CENPE: variants seen among roughly 807,000 people sequenced by gnomAD.
CENPE encodes the protein centromere protein E.
A neutral mutation model predicts 336.1 loss-of-function variants in CENPE; 145 were observed. The observed-to-expected ratio is 0.43, with a 90% CI of 0.38 to 0.50. The LOEUF (loss-of-function observed/expected upper bound fraction) is 0.50. Among genes scored for constraint, CENPE ranks in the 20% least tolerant of loss-of-function variants. The pLI is 0.00. For missense variants in CENPE, 2,719 were observed against 3,023.3 expected (o/e 0.90, Z 2.36); for synonymous variants, 1,013 against 984.8 (o/e 1.03, Z -0.54).
intron 8 of CENPE, among the ~76,000 whole-genome samples, chr4:103,191,755 T>C (rs945190508): frequency 1.3e-5 from 2 of 151,632 alleles, no homozygotes; most frequent in African/African-American, 4.9e-5. Flanking sequence ...GTAACAAACG[T>C]GCATGTTGTG....
At chr4:103,117,049 AAG>A (rs956159162) in intron 44 of CENPE, among the ~76,000 whole-genome samples, 2 of 152,196 alleles carry the variant, frequency 1.3e-5, no homozygotes, top group African/African-American at 4.8e-5. Context: ...ATGAAACAAA[AAG>A]ATGTTGGAGC....
At position 103,162,992 on chromosome 4, in the gene CENPE, G is replaced by A. The variant is rs77085450; in HGVS notation, c.1842+145C>T. The stretch of plus-strand genomic sequence containing the variant: ...ATATACTAACAGTCCCTATCTCATA[G>A]GGTTATTGACAGATTTAATGAAATA... On this transcript the variant is annotated intron_variant, in intron 18 of 48. Transcript: ENST00000265148. The A allele has an allele frequency of 6.7e-3, 3,608 of 536,358 alleles. 23 individuals are homozygous for A. The highest frequency in any genetic ancestry group is 0.019 in the Middle Eastern group (34 of 1,800). The allele number at this position is 536,358 out of a possible 1,614,324, so 33.2% of individuals were successfully genotyped here.
Position 103,144,352 on chromosome 4 carries a change from G to T in CENPE, c.5124C>A (p.Asn1708Lys). 1.2e-6 allele frequency: 2 copies of T among 1,607,952 alleles called. No individual in the cohort carries two copies. Among genetic ancestry groups the T allele is most frequent in the Middle Eastern group, 3.3e-4 (2 of 6,024 alleles). The part of the protein sequence containing the change: ...LKVERDQLKE[N>K]LRETITRDLE... ...TCACTCTAGTTATAGTTTCTCTAAGGTTTTCCTTGAGCTGGTCTCTCTCTA... is the reference window on the plus strand; with the variant it reads ...TCACTCTAGTTATAGTTTCTCTAAGTTTTTCCTTGAGCTGGTCTCTCTCTA... Residue 1708 changes from asparagine to lysine, a missense_variant, in exon 33 of 49, where the codon AAC becomes AAA. Transcript: ENST00000265148.
In CENPE at chr4:103,161,427, G is replaced by C; in HGVS notation, c.1873C>G (p.Gln625Glu). The change falls in exon 19 of 49, where the codon CAG becomes GAG. Residue 625 changes from glutamine to glutamate, a missense_variant. By Grantham distance (29) the Gln-to-Glu change is conservative. Around this residue, in one of 5 missense-constraint regions of CENPE, gnomAD observed 2,437 missense variants for 2,513.3 expected, o/e 0.97. Coordinates refer to ENST00000265148, the MANE Select transcript of CENPE (RefSeq NM_001813.3). ...ESIEDPKQMK[Q>E]TLFDAETVAL... ...ACAGTTTCAGCATCAAACAGAGTCTGCTTCATTTGTTTTGGGTCTTCAATG... is the reference window on the plus strand; with the variant it reads ...ACAGTTTCAGCATCAAACAGAGTCTCCTTCATTTGTTTTGGGTCTTCAATG... The C allele has an allele frequency of 6.2e-7, 1 of 1,611,708 alleles. No homozygotes were observed. The highest frequency in any genetic ancestry group is 8.5e-7 in the Non-Finnish European group (1 of 1,179,026).
intron 16 of CENPE, 140 bp downstream of exon 16, chr4:103,174,596 C>A (rs755565865): frequency 9.4e-5 from 49 of 520,894 alleles, no homozygotes; most frequent in Admixed American, 1.8e-4. Context: ...AAACATCATA[C>A]ATCATGTTGT....
At chr4:103,139,462 G>T (rs565266088) in intron 38 of CENPE, among the ~76,000 whole-genome samples, 2 of 151,940 alleles carry the variant, frequency 1.3e-5, no homozygotes, top group South Asian at 4.2e-4. Context: ...GGGAATATTT[G>T]CTCTCTTACA....
intron 45 of CENPE, among the ~76,000 whole-genome samples, chr4:103,115,261 G>A (rs2125849081): frequency 6.6e-6 from 1 of 152,028 alleles, no homozygotes; most frequent in East Asian, 1.9e-4. Flanking sequence ...AGCCTCCTGA[G>A]TAGCTGGGAT....
rs1025593505 is a variant in CENPE, at chr4:103,110,828, C to T, written c.7724G>A (p.Ser2575Asn). The T allele has an allele frequency of 6.3e-7, 1 of 1,590,888 alleles. No homozygotes were observed. The change falls in exon 47 of 49, where the codon AGC becomes AAC. Residue 2575 changes from serine to asparagine, a missense_variant and splice_region_variant. By Grantham distance (46) the Ser-to-Asn change is conservative. This residue lies in a region of CENPE where 2,437 missense variants were observed against 2,513.3 expected (regional missense o/e 0.97). Coordinates refer to ENST00000265148, the MANE Select transcript of CENPE (RefSeq NM_001813.3). Reference sequence around the variant, plus strand: ...TCCGTATCATGTAAGCAGATCTTACCTTAACAATTCATTCTTTTGTTTTAT... The same window carrying T: ...TCCGTATCATGTAAGCAGATCTTACTTTAACAATTCATTCTTTTGTTTTAT... ...QLIKQKNELL[S>N]NNQHLSNEVK...
In CENPE at chr4:103,116,657, T is replaced by C. The variant is rs1428721609; in HGVS notation, c.7362A>G (p.Lys2454=). 1.1e-5 allele frequency: 17 copies of C among 1,591,860 alleles called. No homozygotes were observed. The highest frequency in any genetic ancestry group is 1.4e-5 in the Non-Finnish European group (16 of 1,172,034). Residue 2454 remains lysine (K), a synonymous_variant, in exon 45 of 49, where the codon AAA becomes AAG. Coordinates refer to ENST00000265148, the MANE Select transcript of CENPE (RefSeq NM_001813.3). ...TCATTTTGAGATCTTCAATTTCTTC[T>C]TTATATGGCTTAGCTCCTAAAGCAA... ...DKVALGAKPY[K]EEIEDLKMKL...
In CENPE at chr4:103,161,326, A is replaced by G; in HGVS notation, c.1965+9T>C. On this transcript the variant is annotated intron_variant, in intron 19 of 48. Transcript: ENST00000265148. ...CTACTTTATTATAAATATTACAAAA[A>G]ATACTTACCATTTTCTCCTTCAGCT... 1 of 1,607,328 alleles carries G rather than the reference A, an allele frequency of 6.2e-7. No homozygotes were observed. Among genetic ancestry groups the G allele is most frequent in the Non-Finnish European group, 8.5e-7 (1 of 1,177,764 alleles).
intron 40 of CENPE, 21 bp from the exon 41 acceptor site, chr4:103,133,913 A>C: frequency 6.7e-7 from 1 of 1,483,672 alleles, no homozygotes; most frequent in Non-Finnish European, 9.2e-7. Flanking sequence ...AAAATTAAAC[A>C]AATTGGTAAA....
intron 14 of CENPE, 60 bp downstream of exon 14, chr4:103,176,839 T>C (rs1392522058): frequency 1.5e-6 from 2 of 1,306,706 alleles, no homozygotes; most frequent in Non-Finnish European, 1.0e-6. Flanking sequence ...ATAAACATAG[T>C]TTCTCTTTAT....
intron 39 of CENPE, among the ~76,000 whole-genome samples, chr4:103,137,120 A>C (rs1752133453): frequency 6.6e-6 from 1 of 152,196 alleles, no homozygotes; most frequent in Non-Finnish European, 1.5e-5. Context: ...TACAAGTCTG[A>C]CTTAGTTTAA....
intron 24 of CENPE, among the ~76,000 whole-genome samples, chr4:103,155,386 T>C (rs1038694308): frequency 6.6e-6 from 1 of 152,170 alleles, no homozygotes; most frequent in Non-Finnish European, 1.5e-5. Flanking sequence ...CTGGGCTCAC[T>C]GCAGCCTCAA....
At chr4:103,121,439 G>T (rs1057433400) in intron 43 of CENPE, among the ~76,000 whole-genome samples, 1 of 151,886 alleles carries the variant, frequency 6.6e-6, no homozygotes, top group African/African-American at 2.4e-5. Context: ...GGCCCATTTA[G>T]AATTCATTTT....
In CENPE at chr4:103,163,553, T is replaced by C. The variant is rs1381288923; in HGVS notation, c.1648A>G (p.Met550Val). 1 of 1,556,062 alleles carries C rather than the reference T, an allele frequency of 6.4e-7. No individual in the cohort carries two copies. Among genetic ancestry groups the C allele is most frequent in the African/African-American group, 1.4e-5 (1 of 70,856 alleles). The change falls in exon 17 of 49, where the codon ATG becomes GTG. Residue 550 changes from methionine (M) to valine (V), a missense_variant and splice_region_variant. By Grantham distance (21) the Met-to-Val change is conservative. Around this residue, in one of 5 missense-constraint regions of CENPE, gnomAD observed 2,437 missense variants for 2,513.3 expected, o/e 0.97. Transcript: ENST00000265148. Reference protein sequence around the residue: ...LERKTKKDQEMQLIHEISNLK... With the variant: ...LERKTKKDQEVQLIHEISNLK... ...TTCGAAATTTCATGAATTAGTTGCA[T>C]CTGTAAGAGCATGTGAACAGGTAAC... is the stretch of plus-strand genomic sequence containing the variant.
At chr4:103,192,005 C>A (rs1256546004) in intron 8 of CENPE, among the ~76,000 whole-genome samples, 1 of 151,706 alleles carries the variant, frequency 6.6e-6, no homozygotes, top group Non-Finnish European at 1.5e-5. Context: ...AGGGAGGTGG[C>A]AGAGGAGACT....
At chr4:103,181,554 T>C (rs1056240212) in intron 11 of CENPE, 98 bp from the exon 12 acceptor site, 15 of 996,178 alleles carry the variant, frequency 1.5e-5, no homozygotes, top group East Asian at 6.5e-5. Flanking sequence ...ATTAAAAAAA[T>C]CAATACTCTT....
At chr4:103,184,784 T>C (rs1443477625) in intron 9 of CENPE, among the ~76,000 whole-genome samples, 1 of 152,206 alleles carries the variant, frequency 6.6e-6, no homozygotes, top group Non-Finnish European at 1.5e-5. Flanking sequence ...TTCTGCTTTT[T>C]GGAATTTTCC....
Sources: gnomAD v4.1 joint callset for allele counts (sites outside exome capture counted in the v4.1 genomes callset) on GRCh38, gnomAD v4.1.1 for gene constraint, gnomAD v4.1.1 regional missense constraint, MANE v1.5 for transcripts, NCBI Gene and HGNC (gene_info 2026-07-23, HGNC 2026-07-21) for gene names.